Variants in ANXA4 observed in about 807,000 individuals in gnomAD.
The protein encoded by ANXA4 is 35-beta calcimedin.
Under a neutral mutation model 49.8 loss-of-function variants are expected in ANXA4, and 39 were observed. The ratio of observed to expected loss-of-function variants is 0.78; its 90% CI spans 0.61 to 1.02. The LOEUF is 1.02. Among genes scored for constraint, ANXA4 ranks in the 50% least tolerant of loss-of-function variants. The probability of loss-of-function intolerance (pLI) is 0.00; values close to 1 mark genes in which losing one functional copy is unlikely to be tolerated. For synonymous variants in ANXA4, 134 were observed against 152.5 expected (o/e 0.88, Z 0.89); for missense variants, 360 against 410.1 (o/e 0.88, Z 1.05).
chr2:69,723,765 A>G (rs1210321965), intron 3 of ANXA4, among the ~76,000 whole-genome samples: 5 of 152,124 alleles, frequency 3.3e-5, no homozygotes, highest in Non-Finnish European at 7.4e-5. Flanking sequence ...CCCCAGGCTG[A>G]TCTCAAACTC....
intron 12 of ANXA4, among the ~76,000 whole-genome samples, chr2:69,823,308 A>G (rs1475609364): frequency 6.6e-6 from 1 of 151,490 alleles, no homozygotes; most frequent in African/African-American, 2.4e-5. Flanking sequence ...TAAAGAATAC[A>G]TTACTCATTC....
chr2:69,695,120 G>A (rs753510750), intron 2 of ANXA4, among the ~76,000 whole-genome samples: 121 of 151,990 alleles, frequency 8.0e-4, no homozygotes, highest in Non-Finnish European at 1.4e-3. Flanking sequence ...CTCCAGCTTG[G>A]GTGACAGAGC....
chr2:69,695,872 A>G (rs550799559), intron 2 of ANXA4, among the ~76,000 whole-genome samples: 1 of 152,116 alleles, frequency 6.6e-6, no homozygotes, highest in Non-Finnish European at 1.5e-5. Flanking sequence ...ATTACGTCTT[A>G]AAAAAGTATA....
At chr2:69,674,614 G>C (rs573149054) in intron 2 of ANXA4, among the ~76,000 whole-genome samples, 1 of 152,260 alleles carries the variant, frequency 6.6e-6, no homozygotes, top group East Asian at 1.9e-4. Context: ...GTCATTTTAT[G>C]CTTCTGTCTT....
At chr2:69,690,318 A>G (rs1215658160) in intron 2 of ANXA4, among the ~76,000 whole-genome samples, 4 of 152,082 alleles carry the variant, frequency 2.6e-5, no homozygotes, top group African/African-American at 9.7e-5. Flanking sequence ...GACTCACTGC[A>G]GCCTCCACCT....
chr2:69,719,977 G>A (rs1669774327), intron 2 of ANXA4, among the ~76,000 whole-genome samples: 2 of 152,076 alleles, frequency 1.3e-5, no homozygotes, highest in South Asian at 4.1e-4. Context: ...CAGTTCCAAC[G>A]TGCCAGGCAA....
chr2:69,783,972 T>C (rs1159285658), intron 2 of ANXA4, among the ~76,000 whole-genome samples: 1 of 152,258 alleles, frequency 6.6e-6, no homozygotes, highest in Non-Finnish European at 1.5e-5. Context: ...TATTGTTCAT[T>C]AGTATTCCAT....
At chr2:69,714,353 T>C (rs12328440) in intron 2 of ANXA4, among the ~76,000 whole-genome samples, 44,664 of 151,642 alleles carry the variant, frequency 0.29, 8,751 homozygotes, top group African/African-American at 0.53. Flanking sequence ...GAGGACCAAA[T>C]GCATCCATGC....
intron 1 of ANXA4, 142 bp from the exon 2 acceptor site, chr2:69,781,378 G>T: frequency 1.5e-6 from 1 of 659,596 alleles, no homozygotes; most frequent in South Asian, 1.9e-5. Flanking sequence ...TTGTATCTTT[G>T]GCTAATCAGT....
At chr2:69,793,125 G>T (rs542055887) in intron 3 of ANXA4, among the ~76,000 whole-genome samples, 1 of 152,108 alleles carries the variant, frequency 6.6e-6, no homozygotes, top group South Asian at 2.1e-4. Flanking sequence ...GGTGGCGCGT[G>T]CCTGTAATCC....
intron 2 of ANXA4, among the ~76,000 whole-genome samples, chr2:69,690,556 T>G (rs1677930281): frequency 6.6e-6 from 1 of 152,130 alleles, no homozygotes; most frequent in African/African-American, 2.4e-5. Context: ...TTCATCTACT[T>G]AGTGGCTCCA....
chr2:69,728,093 C>T (rs1670008586), intron 3 of ANXA4, among the ~76,000 whole-genome samples: 2 of 152,194 alleles, frequency 1.3e-5, no homozygotes, highest in South Asian at 4.1e-4. Context: ...TATACTTTAT[C>T]AGTGGTAAAG....
intron 1 of ANXA4, among the ~76,000 whole-genome samples, chr2:69,650,343 T>C (rs112016752): frequency 1.3e-4 from 20 of 152,362 alleles, no homozygotes; most frequent in African/African-American, 4.3e-4. Context: ...GAGATTGATA[T>C]TGATTTGTTC....
chr2:69,652,219 T>C (rs1397910056), intron 1 of ANXA4, among the ~76,000 whole-genome samples: 1 of 151,840 alleles, frequency 6.6e-6, no homozygotes, highest in African/African-American at 2.4e-5. Context: ...TTGGCAAGCC[T>C]GGCCTCGAAC....
chr2:69,770,771 A>AG (rs1402010033), intron 1 of ANXA4, among the ~76,000 whole-genome samples: 3 of 151,902 alleles, frequency 2.0e-5, no homozygotes, highest in Admixed American at 1.3e-4. Flanking sequence ...GTGCAGACAC[A>AG]CACATATTGC....
chr2:69,711,096 G>A (rs1678664394), intron 2 of ANXA4, among the ~76,000 whole-genome samples: 2 of 152,312 alleles, frequency 1.3e-5, no homozygotes, highest in Middle Eastern at 3.4e-3. Flanking sequence ...TTGGGAGGCT[G>A]GGATGGGTGG....
intron 2 of ANXA4, among the ~76,000 whole-genome samples, chr2:69,687,280 G>C (rs1192821005): frequency 6.6e-6 from 1 of 152,188 alleles, no homozygotes; most frequent in African/African-American, 2.4e-5. Context: ...AACGTGGGCA[G>C]ATCGCTTGAG....
At chr2:69,705,649 T>C (rs558721758) in intron 2 of ANXA4, among the ~76,000 whole-genome samples, 1 of 152,332 alleles carries the variant, frequency 6.6e-6, no homozygotes, top group East Asian at 1.9e-4. Context: ...CACATACTTC[T>C]GGCTGGGAGT....
chr2:69,661,595 A>G (rs1676720199), intron 2 of ANXA4, among the ~76,000 whole-genome samples: 1 of 152,266 alleles, frequency 6.6e-6, no homozygotes, highest in South Asian at 2.1e-4. Flanking sequence ...TCTCACAAGG[A>G]CAAGGGAAGA....
Sources: gnomAD v4.1 joint callset for allele counts (sites outside exome capture counted in the v4.1 genomes callset) on GRCh38, gnomAD v4.1.1 for gene constraint, MANE v1.5 for transcripts, NCBI Gene and HGNC (gene_info 2026-07-23, HGNC 2026-07-21) for gene names.